The following GDF7 variants were observed in gnomAD, a reference collection of about 807,000 sequenced individuals.
GDF7 encodes the protein growth differentiation factor 7.
In GDF7, 12 loss-of-function variants were observed where a neutral mutation model predicts 13.4. The observed-to-expected ratio is 0.90, with a 90% confidence interval of 0.57 to 1.45. GDF7 has a LOEUF of 1.45. GDF7 is among the 40% of genes most tolerant of loss of function. The probability of loss-of-function intolerance (pLI) is 0.00; values close to 1 mark genes in which losing one functional copy is unlikely to be tolerated. For missense variants in GDF7, 651 were observed against 652.4 expected (o/e 1.00, Z 0.02); for synonymous variants, 330 against 306.4 (o/e 1.08, Z -0.80).
Position 20,670,639 on chromosome 2 carries a change from C to T in GDF7, c.567C>T (p.Ala189=). The change falls in exon 2 of 2, where the codon GCC becomes GCT. Residue 189 remains alanine (A), a synonymous_variant. Coordinates refer to ENST00000272224, the MANE Select transcript of GDF7 (RefSeq NM_182828.4). ...TGCTGTCCACGTGCCCGGGCGCCGC[C>T]CGAGCGCCACGCCTGCTGTACTCGC... ...LLLLSTCPGA[A]RAPRLLYSRA... The T allele has an allele frequency of 6.4e-7, 1 of 1,556,190 alleles. No homozygotes were observed. Among genetic ancestry groups the T allele is most frequent in the Non-Finnish European group, 8.7e-7 (1 of 1,154,858 alleles).
Position 20,668,940 on chromosome 2 carries a change from G to A in GDF7, c.391+1310G>A, listed in dbSNP as rs569842893. ...GGGTCCCAGGCTGCAGGAGAAGGGG[G>A]GTGTGCTGGGCTCTAAGTGGGCACA... On this transcript the variant is annotated intron_variant, in intron 1 of 1. Transcript: ENST00000272224. Among the ~76,000 whole-genome samples, 564 of 143,052 alleles carry A rather than the reference G, an allele frequency of 3.9e-3. 5 individuals are homozygous for A. Among genetic ancestry groups the A allele is most frequent in the African/African-American group, 0.014 (519 of 38,318 alleles). The allele number at this position is 143,052 out of a possible 152,430, so 93.8% of individuals were successfully genotyped here.
chr2:20,677,055 A>C lies in GDF7; in HGVS notation c.*5630A>C, dbSNP rs1662240890. ...GCAAGGGGGCTGCAGCGGTCACAGA[A>C]ACTTCCGGAGAGAGGTGTTTCTGTG... is the stretch of plus-strand genomic sequence containing the variant. On this transcript the variant is annotated 3_prime_UTR_variant, in exon 2 of 2. Coordinates refer to ENST00000272224, the MANE Select transcript of GDF7 (RefSeq NM_182828.4). 6.6e-6 allele frequency: 1 copy of C among 152,192 alleles called. No homozygotes were observed. The highest frequency in any genetic ancestry group is 6.5e-5 in the Admixed American group (1 of 15,286). The allele number at this position is 152,192 out of a possible 1,614,324, so 9.4% of individuals were successfully genotyped here.
intron 1 of GDF7, among the ~76,000 whole-genome samples, chr2:20,669,092 G>A (rs1232258191): frequency 6.6e-6 from 1 of 152,214 alleles, no homozygotes; most frequent in South Asian, 2.1e-4. Flanking sequence ...CCCTCTTGGG[G>A]GAAACAGAGT....
Position 20,675,076 on chromosome 2 carries a change from G to A in GDF7, c.*3651G>A, listed in dbSNP as rs1363086464. 6.6e-6 allele frequency: 1 copy of A among 152,206 alleles called. No homozygotes were observed. The highest frequency in any genetic ancestry group is 1.9e-4 in the East Asian group (1 of 5,200). The allele number at this position is 152,206 out of a possible 1,614,324, so 9.4% of individuals were successfully genotyped here. On this transcript the variant is annotated 3_prime_UTR_variant, in exon 2 of 2. Transcript: ENST00000272224. ...CAGACTTTTCCTGTGCTTGAATCTG[G>A]TCTCCAGGAAATCCAGTGGCAGGAA...
rs114991513 is a variant in GDF7 at position 20,667,690 on chromosome 2, G to A, written c.391+60G>A. On this transcript the variant is annotated intron_variant, in intron 1 of 1. Transcript: ENST00000272224. This position sits in a 1 kb window ranked among gnomAD's most constrained non-coding sequence, Gnocchi z 6.4. ...CAGGTCCTGGGCTGAGACCAGCCCCGGAGCCGTGCCGCAGCTCCGTTACAT... is the reference window on the plus strand; with the variant it reads ...CAGGTCCTGGGCTGAGACCAGCCCCAGAGCCGTGCCGCAGCTCCGTTACAT... 898 of 1,254,174 alleles carry A rather than the reference G, an allele frequency of 7.2e-4. 8 individuals carry two copies. The African/African-American group carries it at 0.012, about 17-fold the overall frequency. 77.7% of individuals were successfully genotyped at this position (1,254,174 alleles called of 1,614,324 possible). A position where few individuals can be genotyped will look rare whatever the true frequency, so the allele number is the denominator to read the frequency against.
rs1367246441 is a variant in GDF7 at position 20,678,478 on chromosome 2, C to A, written c.*7053C>A. 1.3e-5 allele frequency: 2 copies of A among 152,204 alleles called. No individual in the cohort carries two copies. Among genetic ancestry groups the A allele is most frequent in the Non-Finnish European group, 2.9e-5 (2 of 68,028 alleles). 9.4% of individuals were successfully genotyped at this position (152,204 alleles called of 1,614,324 possible). On this transcript the variant is annotated 3_prime_UTR_variant, in exon 2 of 2. Transcript: ENST00000272224. The stretch of plus-strand genomic sequence containing the variant: ...AGGGATTCTGAAAAGTTTGGACTGT[C>A]TTTTTCTTTTTGTATACAAATAAAG...
chr2:20,670,452 G>C lies in GDF7; in HGVS notation c.392-12G>C, dbSNP rs201812180. 5.9e-6 allele frequency: 9 copies of C among 1,517,476 alleles called. No individual in the cohort carries two copies. The highest frequency in any genetic ancestry group is 8.0e-6 in the Non-Finnish European group (9 of 1,131,884). The allele number at this position is 1,517,476 out of a possible 1,614,324, so 94.0% of individuals were successfully genotyped here. A position where few individuals can be genotyped will look rare whatever the true frequency, so the allele number is the denominator to read the frequency against. ...ACAGCTCTTTCTCTCTGTCCCTGCC[G>C]GTCCCCCGCAGACGAATCGGCAGCC... On this transcript the variant is annotated splice_polypyrimidine_tract_variant and intron_variant, in intron 1 of 1. Transcript: ENST00000272224.
At position 20,671,304 on chromosome 2, in the gene GDF7, C is replaced by T. The variant is rs1662121059; in HGVS notation, c.1232C>T (p.Pro411Leu). 4.3e-6 allele frequency: 7 copies of T among 1,613,632 alleles called. No homozygotes were observed. Among genetic ancestry groups the T allele is most frequent in the African/African-American group, 1.3e-5 (1 of 74,936 alleles). ...AACTCCATGGCACCAGACGCGGCGCCGGCCTCCTGCTGTGTGCCAGCGCGC... is the reference window on the plus strand; with the variant it reads ...AACTCCATGGCACCAGACGCGGCGCTGGCCTCCTGCTGTGTGCCAGCGCGC... Reference protein sequence around the residue: ...LLNSMAPDAAPASCCVPARLS... With the variant: ...LLNSMAPDAALASCCVPARLS... The change falls in exon 2 of 2, where the codon CCG becomes CTG. Residue 411 changes from proline to leucine, a missense_variant. Coordinates refer to ENST00000272224, the MANE Select transcript of GDF7 (RefSeq NM_182828.4).
In GDF7 at chr2:20,675,170, T is replaced by C. The variant is rs1384186883; in HGVS notation, c.*3745T>C. On this transcript the variant is annotated 3_prime_UTR_variant, in exon 2 of 2. Coordinates refer to ENST00000272224, the MANE Select transcript of GDF7 (RefSeq NM_182828.4). ...CCTCGCTGATTCTCATGAGAACCTG[T>C]CATCTCAGTGAGACAGGCCTCCCAC... is the stretch of plus-strand genomic sequence containing the variant. 6.6e-6 allele frequency: 1 copy of C among 152,220 alleles called. No homozygotes were observed. Among genetic ancestry groups the C allele is most frequent in the Non-Finnish European group, 1.5e-5 (1 of 68,054 alleles). The allele number at this position is 152,220 out of a possible 1,614,324, so 9.4% of individuals were successfully genotyped here. A position where few individuals can be genotyped will look rare whatever the true frequency, so the allele number is the denominator to read the frequency against.
In GDF7 at chr2:20,677,089, T is replaced by C. The variant is rs1261306019; in HGVS notation, c.*5664T>C. On this transcript the variant is annotated 3_prime_UTR_variant, in exon 2 of 2. Coordinates refer to ENST00000272224, the MANE Select transcript of GDF7 (RefSeq NM_182828.4). ...AGAGAGGTGTTTCTGTGCAGTCAGG[T>C]GAATTTGTTGGCAGGACAGCTTGGT... 2.0e-5 allele frequency: 3 copies of C among 152,124 alleles called. No homozygotes were observed. Among genetic ancestry groups the C allele is most frequent in the African/African-American group, 7.2e-5 (3 of 41,424 alleles). The allele number at this position is 152,124 out of a possible 1,614,324, so 9.4% of individuals were successfully genotyped here.
At position 20,671,172 on chromosome 2, in the gene GDF7, T is replaced by C; in HGVS notation, c.1100T>C (p.Ile367Thr). Residue 367 changes from isoleucine to threonine, a missense_variant, in exon 2 of 2, where the codon ATC (isoleucine) becomes ACC (threonine). Coordinates refer to ENST00000272224, the MANE Select transcript of GDF7 (RefSeq NM_182828.4). ...DFKELGWDDW[I>T]IAPLDYEAYH... ...AAGGAGCTCGGCTGGGACGACTGGA[T>C]CATCGCGCCGCTGGACTACGAGGCG... The C allele has an allele frequency of 6.2e-7, 1 of 1,613,196 alleles. No homozygotes were observed. Among genetic ancestry groups the C allele is most frequent in the Non-Finnish European group, 8.5e-7 (1 of 1,179,824 alleles).
In GDF7 at chr2:20,675,271, G is replaced by A. The variant is rs1323979330; in HGVS notation, c.*3846G>A. ...AGCTGGAGGGAGCGAGGCTCTGAAA[G>A]CAGCAGTCTAGCAGAGGGAGTTTGG... On this transcript the variant is annotated 3_prime_UTR_variant, in exon 2 of 2. Transcript: ENST00000272224. 1 of 140,908 alleles carries A rather than the reference G, an allele frequency of 7.1e-6. No individual in the cohort carries two copies. Among genetic ancestry groups the A allele is most frequent in the Non-Finnish European group, 1.6e-5 (1 of 61,652 alleles). The allele number at this position is 140,908 out of a possible 1,614,324, so 8.7% of individuals were successfully genotyped here.
rs1040076299 is a variant in GDF7 at position 20,673,223 on chromosome 2, A to G, written c.*1798A>G. 2.6e-5 allele frequency: 4 copies of G among 151,742 alleles called. No individual in the cohort carries two copies. The allele number at this position is 151,742 out of a possible 1,614,324, so 9.4% of individuals were successfully genotyped here. A position where few individuals can be genotyped will look rare whatever the true frequency, so the allele number is the denominator to read the frequency against. ...AAAAGAAAAAAAAATACACGTGTAA[A>G]TTACTCTTAAAATTAAGATTCCCCC... is the stretch of plus-strand genomic sequence containing the variant. On this transcript the variant is annotated 3_prime_UTR_variant, in exon 2 of 2. Coordinates refer to ENST00000272224, the MANE Select transcript of GDF7 (RefSeq NM_182828.4).
At position 20,675,881 on chromosome 2, in the gene GDF7, C is replaced by A. The variant is rs903252377; in HGVS notation, c.*4456C>A. ...GAGGTAGGTGTGGGGAGGGCCCGCACCTTGAGGGTGGGGTTCAGCTCCCCA... is the reference window on the plus strand; with the variant it reads ...GAGGTAGGTGTGGGGAGGGCCCGCAACTTGAGGGTGGGGTTCAGCTCCCCA... On this transcript the variant is annotated 3_prime_UTR_variant, in exon 2 of 2. Coordinates refer to ENST00000272224, the MANE Select transcript of GDF7 (RefSeq NM_182828.4). 1 of 152,256 alleles carries A rather than the reference C, an allele frequency of 6.6e-6. No individual in the cohort carries two copies. The highest frequency in any genetic ancestry group is 2.1e-4 in the South Asian group (1 of 4,832). 9.4% of individuals were successfully genotyped at this position (152,256 alleles called of 1,614,324 possible).
In GDF7 at chr2:20,677,968, C is replaced by T; in HGVS notation, c.*6543C>T. 1 of 153,716 alleles carries T rather than the reference C, an allele frequency of 6.5e-6. No homozygotes were observed. Among genetic ancestry groups the T allele is most frequent in the Non-Finnish European group, 1.4e-5 (1 of 69,202 alleles). 9.5% of individuals were successfully genotyped at this position (153,716 alleles called of 1,614,324 possible). On this transcript the variant is annotated 3_prime_UTR_variant, in exon 2 of 2. Coordinates refer to ENST00000272224, the MANE Select transcript of GDF7 (RefSeq NM_182828.4). ...TCCTGGATCCTCCCCTGGCCTGGGG[C>T]AGCAGCAGCAGCAGCAGCTGGGCTT...
Position 20,670,904 on chromosome 2 carries a change from G to C in GDF7, c.832G>C (p.Glu278Gln). The C allele has an allele frequency of 1.3e-6, 2 of 1,563,968 alleles. No individual in the cohort carries two copies. Among genetic ancestry groups the C allele is most frequent in the East Asian group, 4.8e-5 (2 of 41,934 alleles). Residue 278 changes from glutamate to glutamine, a missense_variant, in exon 2 of 2, where the codon GAG becomes CAG. By Grantham distance (29) the Glu-to-Gln change is conservative. Coordinates refer to ENST00000272224, the MANE Select transcript of GDF7 (RefSeq NM_182828.4). ...LVVSSRTQRK[E>Q]SLFREIRAQA... ...CGTCTCCTCCCGCACGCAGAGGAAA[G>C]AGAGCTTATTCCGGGAGATCCGCGC...
chr2:20,675,014 A>G lies in GDF7; in HGVS notation c.*3589A>G, dbSNP rs1417208039. ...TCTTCTTAGAGCAGGGAGAAAAATT[A>G]CGTTCTTTCCAAGAGCAGCTCGTGC... On this transcript the variant is annotated 3_prime_UTR_variant, in exon 2 of 2. Coordinates refer to ENST00000272224, the MANE Select transcript of GDF7 (RefSeq NM_182828.4). 6.6e-6 allele frequency: 1 copy of G among 152,248 alleles called. No homozygotes were observed. The highest frequency in any genetic ancestry group is 1.5e-5 in the Non-Finnish European group (1 of 68,032). 9.4% of individuals were successfully genotyped at this position (152,248 alleles called of 1,614,324 possible). A position where few individuals can be genotyped will look rare whatever the true frequency, so the allele number is the denominator to read the frequency against.
rs1172301403 is a variant in GDF7, at chr2:20,674,671, T to C, written c.*3246T>C. 6.6e-6 allele frequency: 1 copy of C among 152,312 alleles called. No individual in the cohort carries two copies. The highest frequency in any genetic ancestry group is 2.4e-5 in the African/African-American group (1 of 41,470). 9.4% of individuals were successfully genotyped at this position (152,312 alleles called of 1,614,324 possible). On this transcript the variant is annotated 3_prime_UTR_variant, in exon 2 of 2. Coordinates refer to ENST00000272224, the MANE Select transcript of GDF7 (RefSeq NM_182828.4). ...AGGTGGCAGGCTTTGCTGTGTTAGCTTGGGGAAGCCAGGCTTGAGCTGTGC... is the reference window on the plus strand; with the variant it reads ...AGGTGGCAGGCTTTGCTGTGTTAGCCTGGGGAAGCCAGGCTTGAGCTGTGC...
At position 20,671,229 on chromosome 2, in the gene GDF7, T is replaced by A; in HGVS notation, c.1157T>A (p.Leu386Ter). Residue 386 changes from leucine to a stop codon, truncating the protein, a stop_gained, in exon 2 of 2, where the codon TTG (leucine) becomes TAG (stop). Transcript: ENST00000272224. LOFTEE classifies it high-confidence loss of function. ...TGCGAGGGCCTTTGCGACTTCCCTT[T>A]GCGTTCGCACCTCGAGCCCACCAAC... Reference protein sequence around the residue: ...YHCEGLCDFPLRSHLEPTNHA... With the variant: ...YHCEGLCDFP 1 of 1,614,012 alleles carries A rather than the reference T, an allele frequency of 6.2e-7. No homozygotes were observed. Among genetic ancestry groups the A allele is most frequent in the Non-Finnish European group, 8.5e-7 (1 of 1,179,960 alleles).
Sources: allele counts gnomAD v4.1 joint callset (sites outside exome capture counted in the v4.1 genomes callset), GRCh38; gene constraint gnomAD v4.1.1; non-coding constraint Gnocchi (gnomAD v3.1); transcripts MANE v1.5; gene names NCBI Gene and HGNC (gene_info 2026-07-23, HGNC 2026-07-21).